LRP1: variants seen among roughly 807,000 people sequenced by gnomAD.
LRP1 encodes prolow-density lipoprotein receptor-related protein 1.
LRP1 carries 51 observed loss-of-function variants against 541.5 expected under a neutral mutation model. That is an observed-to-expected ratio of 0.09 (90% confidence interval 0.08 to 0.12). LRP1 has a LOEUF of 0.12. Ranked by LOEUF, LRP1 falls within the 10% of genes least tolerant of loss-of-function variation. LRP1 has a pLI of 1.00. For missense variants in LRP1, 3,878 were observed against 6,376.2 expected, an observed-to-expected ratio of 0.61 and a Z score of 13.34; for synonymous variants, 2,219 against 2,470.8, an observed-to-expected ratio of 0.90 and a Z score of 3.02.
Position 57,179,980 on chromosome 12 carries a change from G to A in LRP1, c.5141+24G>A. ...GGGTCAGTCTAGGGCCCAGGGCCGG[G>A]GAGCATGGGGTGTGGGGCTGGGAAG... On this transcript the variant is annotated intron_variant, in intron 30 of 88. Transcript: ENST00000243077. This position sits in a 1 kb window ranked among gnomAD's most constrained non-coding sequence, Gnocchi z 6.8. 6.2e-7 allele frequency: 1 copy of A among 1,613,932 alleles called. No individual in the cohort carries two copies. Among genetic ancestry groups the A allele is most frequent in the Non-Finnish European group, 8.5e-7 (1 of 1,179,920 alleles).
In LRP1 at chr12:57,212,399, C is replaced by T. The variant is rs2036937336; in HGVS notation, c.13495-16C>T. The T allele has an allele frequency of 3.1e-6, 5 of 1,614,042 alleles. No homozygotes were observed. The East Asian group carries it at 1.1e-4, about 36-fold the overall frequency. On this transcript the variant is annotated splice_polypyrimidine_tract_variant and intron_variant, in intron 88 of 88. Transcript: ENST00000243077. The surrounding 1 kb of genome is among the most constrained non-coding windows in gnomAD (Gnocchi z 5.0). ...CCAGCTCCTGAGCCCTACCTGAACC[C>T]TCTGTCACCCTGCAGCCCACCAACT... is the stretch of plus-strand genomic sequence containing the variant.
chr12:57,177,947 CTTTTTT>C lies in LRP1; in HGVS notation c.4361+370_4361+375del, dbSNP rs34010163. Among the ~76,000 whole-genome samples, 2 of 121,368 alleles carry C rather than the reference CTTTTTT, an allele frequency of 1.6e-5. No individual in the cohort carries two copies. Among genetic ancestry groups the C allele is most frequent in the Admixed American group, 8.2e-5 (1 of 12,138 alleles). The allele number at this position is 121,368 out of a possible 152,430, so 79.6% of individuals were successfully genotyped here. A position where few individuals can be genotyped will look rare whatever the true frequency, so the allele number is the denominator to read the frequency against. ...CCCAGGGAGGGTGCCTTTTTCTTTT[CTTTTTT>C]TTTTTTTTTTTTTGAGACAGAGTCT... On this transcript the variant is annotated intron_variant, in intron 26 of 88. Coordinates refer to ENST00000243077, the MANE Select transcript of LRP1 (RefSeq NM_002332.3). This position sits in a 1 kb window ranked among gnomAD's most constrained non-coding sequence, Gnocchi z 6.8.
chr12:57,139,192 G>T (rs1401281780), intron 2 of LRP1, among the ~76,000 whole-genome samples: 1 of 152,134 alleles, frequency 6.6e-6, no homozygotes, highest in African/African-American at 2.4e-5. Context: ...AGTCCTGGTG[G>T]CTCCACTTTT....
chr12:57,140,180 T>A (rs2035259374), intron 2 of LRP1, among the ~76,000 whole-genome samples: 1 of 152,092 alleles, frequency 6.6e-6, no homozygotes, highest in African/African-American at 2.4e-5. Context: ...CCTCAAGTGA[T>A]CCTCCTGACA....
In LRP1 at chr12:57,195,920, C is replaced by T; in HGVS notation, c.8618C>T (p.Ser2873Phe). ...TGTGCCAATGGGCGCTGTCTGAGCT[C>T]CCGCCAGTGGGAGTGTGATGGCGAG... Reference protein sequence around the residue: ...FRCANGRCLSSRQWECDGEND... With the variant: ...FRCANGRCLSFRQWECDGEND... The change falls in exon 54 of 89, where the codon TCC (serine) becomes TTC (phenylalanine). Residue 2873 changes from serine (S) to phenylalanine (F), a missense_variant. Ser to Phe is a radical substitution (Grantham distance 155, BLOSUM62 -2). Around this residue, in one of 13 missense-constraint regions of LRP1, gnomAD observed 1,100 missense variants for 1,827.4 expected, o/e 0.60. Coordinates refer to ENST00000243077, the MANE Select transcript of LRP1 (RefSeq NM_002332.3). 1 of 1,613,752 alleles carries T rather than the reference C, an allele frequency of 6.2e-7. No individual in the cohort carries two copies. Among genetic ancestry groups the T allele is most frequent in the Non-Finnish European group, 8.5e-7 (1 of 1,180,024 alleles).
chr12:57,184,747 C>A lies in LRP1; in HGVS notation c.6187-92C>A. On this transcript the variant is annotated intron_variant, in intron 38 of 88. Transcript: ENST00000243077. The surrounding 1 kb of genome is among the most constrained non-coding windows in gnomAD (Gnocchi z 7.8). ...AGTTAGGGGAGGCTGAACTGAGGGC[C>A]TCACTCTGGCCCAGGCACTCCCTGC... The A allele has an allele frequency of 7.1e-7, 1 of 1,399,880 alleles. No homozygotes were observed. The highest frequency in any genetic ancestry group is 9.8e-7 in the Non-Finnish European group (1 of 1,024,070). The allele number at this position is 1,399,880 out of a possible 1,614,324, so 86.7% of individuals were successfully genotyped here. A position where few individuals can be genotyped will look rare whatever the true frequency, so the allele number is the denominator to read the frequency against.
At chr12:57,169,964 G>C (rs1314403389) in intron 20 of LRP1, among the ~76,000 whole-genome samples, 6 of 152,224 alleles carry the variant, frequency 3.9e-5, no homozygotes, top group Non-Finnish European at 7.3e-5. Flanking sequence ...TACAGTATTA[G>C]TTTCTCTCGT....
rs776744214 is a variant in LRP1 at position 57,141,439 on chromosome 12, G to A, written c.256G>A (p.Val86Ile). Reference sequence around the variant, plus strand: ...TAACTGCCTGGGTACTGAGCTGTGTGTTCCCATGTCCCGCCTCTGCAATGG... The same window carrying A: ...TAACTGCCTGGGTACTGAGCTGTGTATTCCCATGTCCCGCCTCTGCAATGG... ...EHNCLGTELC[V>I]PMSRLCNGVQ... Residue 86 changes from valine to isoleucine, a missense_variant, in exon 3 of 89, where the codon GTT becomes ATT. Transcript: ENST00000243077. 4.1e-5 allele frequency: 66 copies of A among 1,614,186 alleles called. 1 individual carries two copies. The highest frequency in any genetic ancestry group is 7.7e-5 in the South Asian group (7 of 91,074).
intron 50 of LRP1, 21 bp downstream of exon 50, chr12:57,194,720 C>T: frequency 2.6e-6 from 4 of 1,532,230 alleles, no homozygotes; most frequent in East Asian, 2.3e-5. Flanking sequence ...ACTGCACCCA[C>T]TCAGTGCTCC....
In LRP1 at chr12:57,185,414, A is replaced by T; in HGVS notation, c.6464-117A>T. On this transcript the variant is annotated intron_variant, in intron 40 of 88. Transcript: ENST00000243077. The surrounding 1 kb of genome is among the most constrained non-coding windows in gnomAD (Gnocchi z 4.9). ...ATTGGACTCTGGGCCCTGGAGGGTCATTCAAGCTGGGAATACCGAGGCAGA... is the reference window on the plus strand; with the variant it reads ...ATTGGACTCTGGGCCCTGGAGGGTCTTTCAAGCTGGGAATACCGAGGCAGA... 1 of 1,388,922 alleles carries T rather than the reference A, an allele frequency of 7.2e-7. No homozygotes were observed. 86.0% of individuals were successfully genotyped at this position (1,388,922 alleles called of 1,614,324 possible).
rs936981143 is a variant in LRP1 at position 57,204,869 on chromosome 12, G to T, written c.11194+120G>T. Reference sequence around the variant, plus strand: ...ACCAGGAGGACTCGCCCAGGAAGGGGAGGATCCATTGCTAGGAGCCTGGGG... The same window carrying T: ...ACCAGGAGGACTCGCCCAGGAAGGGTAGGATCCATTGCTAGGAGCCTGGGG... On this transcript the variant is annotated intron_variant, in intron 72 of 88. Coordinates refer to ENST00000243077, the MANE Select transcript of LRP1 (RefSeq NM_002332.3). This position sits in a 1 kb window ranked among gnomAD's most constrained non-coding sequence, Gnocchi z 5.3. 3.0e-5 allele frequency: 45 copies of T among 1,484,238 alleles called. No homozygotes were observed. The highest frequency in any genetic ancestry group is 4.0e-5 in the Non-Finnish European group (44 of 1,096,598). 91.9% of individuals were successfully genotyped at this position (1,484,238 alleles called of 1,614,324 possible).
chr12:57,129,117 C>A, intron 1 of LRP1, 86 bp downstream of exon 1: 2 of 1,371,490 alleles, frequency 1.5e-6, no homozygotes, highest in Non-Finnish European at 2.0e-6. Context: ...GGAAGGGAGA[C>A]GCGGGAGGGG....
chr12:57,191,936 ACACAC>A (rs2036409950), intron 44 of LRP1, among the ~76,000 whole-genome samples: 1 of 5,282 alleles, frequency 1.9e-4, no homozygotes, highest in Non-Finnish European at 4.5e-4. Context: ...CATACCACAC[ACACAC>A]CACATACACA....
rs760458918 is a variant in LRP1 at position 57,179,351 on chromosome 12, C to T, written c.4761C>T (p.Tyr1587=). The T allele has an allele frequency of 3.8e-5, 61 of 1,613,774 alleles. No individual in the cohort carries two copies. Among genetic ancestry groups the T allele is most frequent in the Middle Eastern group, 1.6e-4 (1 of 6,084 alleles). The change falls in exon 29 of 89, where the codon TAC becomes TAT. Residue 1587 remains tyrosine, a synonymous_variant. Transcript: ENST00000243077. This position sits in a 1 kb window ranked among gnomAD's most constrained non-coding sequence, Gnocchi z 6.8. ...CAGAGTTTAAGAAGTTCCTGCTGTACGCACGTCAGATGGAGATCCGAGGTG... is the reference window on the plus strand; with the variant it reads ...CAGAGTTTAAGAAGTTCCTGCTGTATGCACGTCAGATGGAGATCCGAGGTG... ...TCYEFKKFLL[Y]ARQMEIRGVD... is the part of the protein sequence containing the mutation.
intron 76 of LRP1, among the ~76,000 whole-genome samples, chr12:57,207,242 CTAAATAAA>C (rs60649994): frequency 0.015 from 2,046 of 134,528 alleles, 24 homozygotes; most frequent in African/African-American, 0.036. Flanking sequence ...GACTCGGTCT[CTAAATAAA>C]TAAATAAATA....
In LRP1 at chr12:57,195,957, C is replaced by G; in HGVS notation, c.8655C>G (p.His2885Gln). ...QWECDGENDC[H>Q]DQSDEAPKNP... is the part of the protein sequence containing the mutation. ...AGTGTGATGGCGAGAATGACTGCCA[C>G]GACCAGAGTGACGAGGCTCCCAAGA... The change falls in exon 54 of 89, where the codon CAC (histidine) becomes CAG (glutamine). Residue 2885 changes from histidine (H) to glutamine (Q), a missense_variant. This residue lies in a region of LRP1 where 1,100 missense variants were observed against 1,827.4 expected (regional missense o/e 0.60). Transcript: ENST00000243077. 6.2e-7 allele frequency: 1 copy of G among 1,613,480 alleles called. No individual in the cohort carries two copies. Among genetic ancestry groups the G allele is most frequent in the Non-Finnish European group, 8.5e-7 (1 of 1,180,020 alleles).
Position 57,166,121 on chromosome 12 carries a change from G to C in LRP1, c.2709G>C (p.Glu903Asp). Residue 903 changes from glutamate (E) to aspartate (D), a missense_variant, in exon 17 of 89, where the codon GAG (glutamate) becomes GAC (aspartate). By Grantham distance (45) the Glu-to-Asp change is conservative. Around this residue, in one of 13 missense-constraint regions of LRP1, gnomAD observed 496 missense variants for 861.0 expected, o/e 0.58. Coordinates refer to ENST00000243077, the MANE Select transcript of LRP1 (RefSeq NM_002332.3). Reference protein sequence around the residue: ...HTCPSDRFKCENNRCIPNRWL... With the variant: ...HTCPSDRFKCDNNRCIPNRWL... ...GCCCCTCGGACCGATTCAAGTGCGAGAACAACCGGTGCATCCCCAACCGCT... is the reference window on the plus strand; with the variant it reads ...GCCCCTCGGACCGATTCAAGTGCGACAACAACCGGTGCATCCCCAACCGCT... The C allele has an allele frequency of 6.2e-7, 1 of 1,614,214 alleles. No homozygotes were observed. The highest frequency in any genetic ancestry group is 8.5e-7 in the Non-Finnish European group (1 of 1,180,044).
At chr12:57,145,603 G>A (rs977339181) in intron 6 of LRP1, 113 bp downstream of exon 6, 2 of 1,328,272 alleles carry the variant, frequency 1.5e-6, no homozygotes, top group African/African-American at 2.9e-5. Context: ...GTCTGGGGCA[G>A]GAGAAGCAGG....
In LRP1 at chr12:57,210,360, C is replaced by T; in HGVS notation, c.12634C>T (p.Leu4212Phe). Reference sequence around the variant, plus strand: ...GTGCTTCAACGGTGGCAGCTGTTTCCTCAATGCACGGAGGCAGCCCAAGTG... The same window carrying T: ...GTGCTTCAACGGTGGCAGCTGTTTCTTCAATGCACGGAGGCAGCCCAAGTG... ...LQCFNGGSCF[L>F]NARRQPKCRC... Residue 4212 changes from leucine (L) to phenylalanine (F), a missense_variant, in exon 82 of 89, where the codon CTC becomes TTC. This residue lies in a region of LRP1 where 871 missense variants were observed against 1,212.4 expected (regional missense o/e 0.72). Transcript: ENST00000243077. 6.3e-7 allele frequency: 1 copy of T among 1,598,888 alleles called. No individual in the cohort carries two copies. The highest frequency in any genetic ancestry group is 1.1e-5 in the South Asian group (1 of 88,542).
Sources: gnomAD v4.1 joint callset for allele counts (sites outside exome capture counted in the v4.1 genomes callset) on GRCh38, gnomAD v4.1.1 for gene constraint, gnomAD v4.1.1 regional missense constraint, Gnocchi (gnomAD v3.1) non-coding constraint, MANE v1.5 for transcripts, NCBI Gene and HGNC (gene_info 2026-07-23, HGNC 2026-07-21) for gene names.